Variants in MGAT3 observed in about 807,000 individuals in gnomAD.
The protein encoded by MGAT3 is beta-1,4-mannosyl-glycoprotein 4-beta-N-acetylglucosaminyltransferase.
A neutral mutation model predicts 29.8 loss-of-function variants in MGAT3; 9 were observed. That is an observed-to-expected ratio of 0.30 (90% CI 0.18 to 0.53). The LOEUF (loss-of-function observed/expected upper bound fraction) is 0.53. MGAT3 is among the 20% of genes least tolerant of loss of function. The pLI is 0.96. For missense variants in MGAT3, 557 were observed against 769.5 expected (o/e 0.72, Z 3.27); for synonymous variants, 397 against 348.9 (o/e 1.14, Z -1.54).
In MGAT3 at chr22:39,489,186, A is replaced by T. The variant is rs1313783209; in HGVS notation, c.*237A>T. 1.6e-6 allele frequency: 1 copy of T among 629,822 alleles called. No individual in the cohort carries two copies. Among genetic ancestry groups the T allele is most frequent in the Admixed American group, 3.1e-5 (1 of 32,536 alleles). 39.0% of individuals were successfully genotyped at this position (629,822 alleles called of 1,614,324 possible). On this transcript the variant is annotated 3_prime_UTR_variant, in exon 2 of 2. Coordinates refer to ENST00000341184, the MANE Select transcript of MGAT3 (RefSeq NM_002409.5). Reference sequence around the variant, plus strand: ...AGGCCGTGACGTCTGGGTGGCCCTTATGACTGCCAAGACTGCTGTGGCCAG... The same window carrying T: ...AGGCCGTGACGTCTGGGTGGCCCTTTTGACTGCCAAGACTGCTGTGGCCAG...
At chr22:39,468,272 G>A (rs1928712235) in intron 1 of MGAT3, among the ~76,000 whole-genome samples, 1 of 152,226 alleles carries the variant, frequency 6.6e-6, no homozygotes, top group South Asian at 2.1e-4. Flanking sequence ...CTGCAGGCAG[G>A]TGTGGCCTTG....
At chr22:39,485,790 A>AAAAC (rs756402413) in intron 1 of MGAT3, among the ~76,000 whole-genome samples, 10 of 152,218 alleles carry the variant, frequency 6.6e-5, no homozygotes, top group African/African-American at 1.2e-4. Context: ...CTCTGTCTTA[A>AAAAC]AAACAAACAA....
intron 1 of MGAT3, among the ~76,000 whole-genome samples, chr22:39,484,915 A>G (rs1307919598): frequency 1.3e-5 from 2 of 152,080 alleles, no homozygotes; most frequent in Non-Finnish European, 2.9e-5. Context: ...AGGCAAGAGA[A>G]TTGCTTGAAC....
chr22:39,462,193 C>G (rs1928518206), intron 1 of MGAT3, among the ~76,000 whole-genome samples: 1 of 152,216 alleles, frequency 6.6e-6, no homozygotes, highest in Non-Finnish European at 1.5e-5. Context: ...GCCACCACAC[C>G]CAGCCTGCAC....
chr22:39,474,783 A>G (rs370875401), intron 1 of MGAT3, among the ~76,000 whole-genome samples: 218 of 152,346 alleles, frequency 1.4e-3, no homozygotes, highest in Non-Finnish European at 2.4e-3. Flanking sequence ...GCCACTGCTC[A>G]CTTCTGGCCT....
At chr22:39,469,307 C>G (rs1928744090) in intron 1 of MGAT3, among the ~76,000 whole-genome samples, 1 of 152,148 alleles carries the variant, frequency 6.6e-6, no homozygotes, top group South Asian at 2.1e-4. Flanking sequence ...GTTGTTGGGA[C>G]AGCGATTTGA....
chr22:39,490,712 T>C lies in MGAT3; in HGVS notation c.*1763T>C. The C allele has an allele frequency of 6.0e-6, 1 of 167,110 alleles. No homozygotes were observed. 10.4% of individuals were successfully genotyped at this position (167,110 alleles called of 1,614,324 possible). A position where few individuals can be genotyped will look rare whatever the true frequency, so the allele number is the denominator to read the frequency against. On this transcript the variant is annotated 3_prime_UTR_variant, in exon 2 of 2. Transcript: ENST00000341184. ...GTGGAATGGCTCATGTTTGTGCGTG[T>C]GTGTGTGTATATTTATGGGCATGGG...
intron 1 of MGAT3, among the ~76,000 whole-genome samples, chr22:39,469,956 C>G (rs1928762413): frequency 6.6e-6 from 1 of 152,224 alleles, no homozygotes; most frequent in African/African-American, 2.4e-5. Context: ...TGGGCCTGCA[C>G]CCCCAAACCG....
chr22:39,459,052 TTTTTC>T (rs1928423347), intron 1 of MGAT3, among the ~76,000 whole-genome samples: 1 of 149,206 alleles, frequency 6.7e-6, no homozygotes, highest in Admixed American at 6.7e-5. Flanking sequence ...TGGTGATTCC[TTTTTC>T]TTTTCTTTTC....
At chr22:39,464,430 A>G (rs1015052897) in intron 1 of MGAT3, among the ~76,000 whole-genome samples, 4 of 150,372 alleles carry the variant, frequency 2.7e-5, no homozygotes, top group Admixed American at 2.6e-4. Flanking sequence ...AAGGCATTTG[A>G]TGCATATTTC....
At chr22:39,475,509 A>G (rs1279850287) in intron 1 of MGAT3, among the ~76,000 whole-genome samples, 4 of 152,126 alleles carry the variant, frequency 2.6e-5, no homozygotes, top group Admixed American at 2.6e-4. Flanking sequence ...CCAGAGCTGC[A>G]TCCCTCCCTC....
chr22:39,467,742 G>A (rs8135274), intron 1 of MGAT3, among the ~76,000 whole-genome samples: 2 of 140,644 alleles, frequency 1.4e-5, no homozygotes, highest in African/African-American at 5.3e-5. Context: ...GTTTCGTTTC[G>A]TTTCTTTCAG....
chr22:39,488,643 C>T lies in MGAT3; in HGVS notation c.1296C>T (p.Leu432=), dbSNP rs145852869. 30 of 1,613,460 alleles carry T rather than the reference C, an allele frequency of 1.9e-5. No individual in the cohort carries two copies. The African/African-American group carries it at 3.1e-4, about 17-fold the overall frequency. ...CFTPEGIYFK[L]VSAQNGDFPR... ...CGCCCGAGGGCATCTACTTCAAGCT[C>T]GTGTCCGCCCAGAATGGCGACTTCC... Residue 432 remains leucine, a synonymous_variant, in exon 2 of 2, where the codon CTC becomes CTT. Transcript: ENST00000341184.
chr22:39,487,735 C>A lies in MGAT3; in HGVS notation c.388C>A (p.Pro130Thr), dbSNP rs751551288. The change falls in exon 2 of 2, where the codon CCG (proline) becomes ACG (threonine). Residue 130 changes from proline (P) to threonine (T), a missense_variant. Physicochemically the swap from Pro to Thr is conservative, Grantham distance 38. Coordinates refer to ENST00000341184, the MANE Select transcript of MGAT3 (RefSeq NM_002409.5). This position sits in a 1 kb window ranked among gnomAD's most constrained non-coding sequence, Gnocchi z 5.7. The part of the protein sequence containing the change: ...PGTKMLERPP[P>T]GRPEEKPEGA... ...CACCAAGATGCTGGAGAGGCCGCCC[C>A]CGGGACGGCCGGAGGAGAAGCCTGA... 4 of 1,542,866 alleles carry A rather than the reference C, an allele frequency of 2.6e-6. No homozygotes were observed. In the East Asian group the frequency reaches 9.2e-5, roughly 35 times the overall value.
intron 1 of MGAT3, among the ~76,000 whole-genome samples, chr22:39,480,778 G>T (rs1257769722): frequency 6.6e-6 from 1 of 152,212 alleles, no homozygotes; most frequent in African/African-American, 2.4e-5. Context: ...GCCAGATAGG[G>T]CCAGCCTCCT....
chr22:39,484,680 C>T (rs1905510061), intron 1 of MGAT3, among the ~76,000 whole-genome samples: 2 of 151,912 alleles, frequency 1.3e-5, no homozygotes, highest in African/African-American at 4.8e-5. Flanking sequence ...ACCCAAATTC[C>T]TATCTTTCCA....
intron 1 of MGAT3, among the ~76,000 whole-genome samples, chr22:39,481,396 G>T (rs1929122928): frequency 6.6e-6 from 1 of 152,236 alleles, no homozygotes; most frequent in Non-Finnish European, 1.5e-5. Context: ...TTTCTGAGCT[G>T]ACTAGTGTGT....
At position 39,457,363 on chromosome 22, in the gene MGAT3, G is replaced by C. The variant is rs1017018791; in HGVS notation, c.-196G>C. ...CCCGGGACGGGGTGGAAGTGGGGGTGGGGGGAGGGGATCGGGGCCGGGCCG... is the reference window on the plus strand; with the variant it reads ...CCCGGGACGGGGTGGAAGTGGGGGTCGGGGGAGGGGATCGGGGCCGGGCCG... On this transcript the variant is annotated 5_prime_UTR_variant, in exon 1 of 2. Transcript: ENST00000341184. This position sits in a 1 kb window ranked among gnomAD's most constrained non-coding sequence, Gnocchi z 6.8. 2.0e-4 allele frequency: 29 copies of C among 145,550 alleles called. No homozygotes were observed. The South Asian group carries it at 4.3e-3, about 22-fold the overall frequency. 9.0% of individuals were successfully genotyped at this position (145,550 alleles called of 1,614,324 possible). A position where few individuals can be genotyped will look rare whatever the true frequency, so the allele number is the denominator to read the frequency against.
chr22:39,486,780 C>A (rs899859142), intron 1 of MGAT3, among the ~76,000 whole-genome samples: 1 of 152,172 alleles, frequency 6.6e-6, no homozygotes, highest in African/African-American at 2.4e-5. Context: ...GGATTACAGG[C>A]GTGAGCCACC....
Sources: allele counts gnomAD v4.1 joint callset (sites outside exome capture counted in the v4.1 genomes callset), GRCh38; gene constraint gnomAD v4.1.1; non-coding constraint Gnocchi (gnomAD v3.1); transcripts MANE v1.5; gene names NCBI Gene and HGNC (gene_info 2026-07-23, HGNC 2026-07-21).